The following ASAP1 variants were observed in gnomAD, a reference collection of about 807,000 sequenced individuals.
ASAP1 encodes the protein ArfGAP with SH3 domain, ankyrin repeat and PH domain 1, also known as arf-GAP with SH3 domain, ANK repeat and PH domain-containing protein 1.
Under a neutral mutation model 145.2 loss-of-function variants are expected in ASAP1, and 43 were observed. The ratio of observed to expected loss-of-function variants is 0.30; its 90% CI spans 0.23 to 0.38. The LOEUF is 0.38. Among genes scored for constraint, ASAP1 ranks in the 10% least tolerant of loss-of-function variants. The probability of loss-of-function intolerance (pLI) is 1.00; values close to 1 mark genes in which losing one functional copy is unlikely to be tolerated. For synonymous variants in ASAP1, 546 were observed against 515.5 expected (o/e 1.06, Z -0.80); for missense variants, 1,018 against 1,355.3 (o/e 0.75, Z 3.91).
chr8:130,123,065 CT>C lies in ASAP1; in HGVS notation c.1607+947del, dbSNP rs962983785. Among the ~76,000 whole-genome samples, 24 of 151,552 alleles carry C rather than the reference CT, an allele frequency of 1.6e-4. 1 individual carries two copies. The highest frequency in any genetic ancestry group is 5.3e-4 in the African/African-American group (22 of 41,322). ...AAAAGCCTTTTCAGTGTAATTTGTG[CT>C]TTTTTTTTCCATCTGCATAGTGTTC... On this transcript the variant is annotated intron_variant, in intron 18 of 29. Transcript: ENST00000518721.
At chr8:130,169,151 C>A in intron 9 of ASAP1, 84 bp from the exon 10 acceptor site, 1 of 769,736 alleles carries the variant, frequency 1.3e-6, no homozygotes, top group African/African-American at 1.8e-5. Context: ...AAAAAAGGAA[C>A]TATAATAACC....
chr8:130,333,766 C>T (rs1824850362), intron 3 of ASAP1, among the ~76,000 whole-genome samples: 1 of 152,158 alleles, frequency 6.6e-6, no homozygotes, highest in African/African-American at 2.4e-5. Flanking sequence ...AATTATCAGA[C>T]TATTAGATGC....
chr8:130,217,560 A>ACACACACACACACAC (rs1565100713), intron 4 of ASAP1, among the ~76,000 whole-genome samples: 1 of 151,716 alleles, frequency 6.6e-6, no homozygotes, highest in Non-Finnish European at 1.5e-5. Flanking sequence ...ACACACACAC[A>ACACACACACACACAC]GATCTTTTCC....
chr8:130,064,106 C>T lies in ASAP1; in HGVS notation c.2702-3037G>A, dbSNP rs141075059. 5.0e-3 allele frequency among the ~76,000 whole-genome samples: 757 copies of T among 152,178 alleles called. 6 individuals carry two copies. The highest frequency in any genetic ancestry group is 0.017 in the African/African-American group (726 of 41,508). On this transcript the variant is annotated intron_variant, in intron 27 of 29. Coordinates refer to ENST00000518721, the MANE Select transcript of ASAP1 (RefSeq NM_018482.4). Reference sequence around the variant, plus strand: ...CTGGTGGGGGTTGCGAGAAGAACCACCAGATGGTTCAGGACAGAGGAGTGA... The same window carrying T: ...CTGGTGGGGGTTGCGAGAAGAACCATCAGATGGTTCAGGACAGAGGAGTGA...
chr8:130,131,154 AAAC>A (rs1382838152), intron 15 of ASAP1, among the ~76,000 whole-genome samples: 1 of 35,832 alleles, frequency 2.8e-5, no homozygotes, highest in African/African-American at 1.3e-4. Flanking sequence ...AAGACTCTGA[AAAC>A]AAACAAACAA....
intron 3 of ASAP1, among the ~76,000 whole-genome samples, chr8:130,319,488 T>C (rs958258307): frequency 2.6e-5 from 4 of 152,116 alleles, no homozygotes; most frequent in Non-Finnish European, 5.9e-5. Flanking sequence ...TGCAGGGCTA[T>C]GGGAACACTG....
chr8:130,069,769 A>C (rs1160620806), intron 27 of ASAP1: 2 of 152,212 alleles, frequency 1.3e-5, no homozygotes, highest in Non-Finnish European at 2.9e-5. Context: ...AAGAAATTTT[A>C]AAAGTTGCAA....
chr8:130,355,887 C>G (rs1335220967), intron 3 of ASAP1, among the ~76,000 whole-genome samples: 1 of 152,106 alleles, frequency 6.6e-6, no homozygotes, highest in African/African-American at 2.4e-5. Context: ...CAATACCTTC[C>G]TCAAGTTCAG....
chr8:130,154,941 A>G (rs2097655070), intron 12 of ASAP1, among the ~76,000 whole-genome samples: 1 of 152,194 alleles, frequency 6.6e-6, no homozygotes, highest in Non-Finnish European at 1.5e-5. Context: ...AACTAATCAG[A>G]GCCACATTTG....
chr8:130,276,726 ACACTCTCTCT>A (rs1297751298), intron 3 of ASAP1, among the ~76,000 whole-genome samples: 9 of 91,836 alleles, frequency 9.8e-5, no homozygotes, highest in Admixed American at 3.8e-4. Flanking sequence ...ACACACACAC[ACACTCTCTCT>A]CTCTCTCTCT....
intron 3 of ASAP1, among the ~76,000 whole-genome samples, chr8:130,331,697 A>G (rs1481814678): frequency 6.6e-6 from 1 of 152,254 alleles, no homozygotes; most frequent in Non-Finnish European, 1.5e-5. Context: ...AGAGGTGCCA[A>G]GCCCTCAAAA....
chr8:130,344,641 G>T (rs906176242), intron 3 of ASAP1, among the ~76,000 whole-genome samples: 2 of 152,232 alleles, frequency 1.3e-5, no homozygotes, highest in Admixed American at 1.3e-4. Context: ...GGAGGCTGAA[G>T]CGAGATCACT....
At chr8:130,375,440 A>G (rs1441170720) in intron 2 of ASAP1, among the ~76,000 whole-genome samples, 2 of 151,912 alleles carry the variant, frequency 1.3e-5, no homozygotes, top group African/African-American at 2.4e-5. Context: ...CATGCCTGTA[A>G]TCCCAGCAAT....
chr8:130,131,193 A>C lies in ASAP1; in HGVS notation c.1217+3103T>G, dbSNP rs1014983450. On this transcript the variant is annotated intron_variant, in intron 15 of 29. Coordinates refer to ENST00000518721, the MANE Select transcript of ASAP1 (RefSeq NM_018482.4). The stretch of plus-strand genomic sequence containing the variant: ...ACAAACAAACAAACAAACAAACAAA[A>C]AAGCCACTAGCCAGCAGAGCCTGGA... Among the ~76,000 whole-genome samples the C allele has an allele frequency of 2.7e-4, 37 of 138,242 alleles. 1 individual carries two copies. Among genetic ancestry groups the C allele is most frequent in the Admixed American group, 9.7e-4 (14 of 14,470 alleles). The allele number at this position is 138,242 out of a possible 152,430, so 90.7% of individuals were successfully genotyped here.
chr8:130,173,882 G>A (rs1024643144), intron 9 of ASAP1, among the ~76,000 whole-genome samples: 4 of 151,496 alleles, frequency 2.6e-5, no homozygotes, highest in Admixed American at 6.6e-5. Context: ...AGACCAGCCT[G>A]GGCAACAAGG....
At chr8:130,402,922 T>G (rs958899246) in intron 1 of ASAP1, among the ~76,000 whole-genome samples, 1 of 53,730 alleles carries the variant, frequency 1.9e-5, no homozygotes. Flanking sequence ...TTTGTGGGGT[T>G]TTTTTTTTTT....
At chr8:130,163,899 A>G (rs1375357714) in intron 11 of ASAP1, among the ~76,000 whole-genome samples, 1 of 152,190 alleles carries the variant, frequency 6.6e-6, no homozygotes, top group Non-Finnish European at 1.5e-5. Flanking sequence ...AAATCTTATT[A>G]ATGTATAAAA....
chr8:130,337,424 A>C (rs777200170), intron 3 of ASAP1, among the ~76,000 whole-genome samples: 1 of 152,230 alleles, frequency 6.6e-6, no homozygotes, highest in African/African-American at 2.4e-5. Flanking sequence ...AGAAGTCTCC[A>C]GTGTAACAAA....
chr8:130,350,104 G>A (rs1825912362), intron 3 of ASAP1, among the ~76,000 whole-genome samples: 1 of 152,254 alleles, frequency 6.6e-6, no homozygotes, highest in Admixed American at 6.5e-5. Context: ...ATCAGGGAAA[G>A]CTACTGCGGC....
Sources: allele counts gnomAD v4.1 joint callset (sites outside exome capture counted in the v4.1 genomes callset), GRCh38; gene constraint gnomAD v4.1.1; transcripts MANE v1.5; gene names NCBI Gene and HGNC (gene_info 2026-07-23, HGNC 2026-07-21).